The following SLC36A4 variants were observed in gnomAD, a reference collection of about 807,000 sequenced individuals.
SLC36A4 encodes the protein solute carrier family 36 member 4, also known as neutral amino acid uniporter 4.
In SLC36A4, 49 loss-of-function variants were observed where a neutral mutation model predicts 50.5. The observed-to-expected ratio is 0.97, with a 90% confidence interval of 0.77 to 1.23. The LOEUF (loss-of-function observed/expected upper bound fraction) is 1.23, where lower values mean the gene tolerates loss of function less well. SLC36A4 is among the 50% of genes most tolerant of loss of function. The probability of loss-of-function intolerance (pLI) is 0.00; values close to 1 mark genes in which losing one functional copy is unlikely to be tolerated. For missense variants in SLC36A4, 611 were observed against 608.4 expected, an observed-to-expected ratio of 1.00 and a Z score of -0.05; for synonymous variants, 207 against 206.5, an observed-to-expected ratio of 1.00 and a Z score of -0.02.
At chr11:93,168,787 A>T (rs1041267548) in intron 6 of SLC36A4, among the ~76,000 whole-genome samples, 2 of 152,018 alleles carry the variant, frequency 1.3e-5, no homozygotes, top group African/African-American at 4.8e-5. Flanking sequence ...CTAGAGCAAA[A>T]ACCTTCACAA....
intron 9 of SLC36A4, among the ~76,000 whole-genome samples, chr11:93,157,739 G>C (rs1053507151): frequency 6.6e-6 from 1 of 152,188 alleles, no homozygotes; most frequent in African/African-American, 2.4e-5. Context: ...CTTTGCTGAA[G>C]TTGCTTATCA....
chr11:93,186,180 T>C (rs975337889), intron 1 of SLC36A4, among the ~76,000 whole-genome samples: 1 of 152,226 alleles, frequency 6.6e-6, no homozygotes, highest in African/African-American at 2.4e-5. Flanking sequence ...ACTGTACAGG[T>C]AAATAGTAAT....
Position 93,161,161 on chromosome 11 carries a change from G to GA in SLC36A4, c.1037+1544dup, listed in dbSNP as rs1444252439. On this transcript the variant is annotated intron_variant, in intron 9 of 10. Transcript: ENST00000326402. Reference sequence around the variant, plus strand: ...GGCTCAAAATATTCTTCTAAATGAGGAAAAAATATCATTCTATTTTCCAAA... The same window carrying GA: ...GGCTCAAAATATTCTTCTAAATGAGGAAAAAAATATCATTCTATTTTCCAAA... Among the ~76,000 whole-genome samples, 10 of 151,972 alleles carry GA rather than the reference G, an allele frequency of 6.6e-5. No homozygotes were observed. In the South Asian group the frequency reaches 8.3e-4, roughly 13 times the overall value.
chr11:93,156,174 A>C (rs984433656), intron 9 of SLC36A4, among the ~76,000 whole-genome samples: 6 of 152,188 alleles, frequency 3.9e-5, no homozygotes, highest in Non-Finnish European at 7.3e-5. Context: ...AATGTCTTGA[A>C]CTAACTTATA....
chr11:93,154,390 C>G lies in SLC36A4; in HGVS notation c.1038-113G>C, dbSNP rs571852565. On this transcript the variant is annotated intron_variant, in intron 9 of 10. Coordinates refer to ENST00000326402, the MANE Select transcript of SLC36A4 (RefSeq NM_152313.4). The stretch of plus-strand genomic sequence containing the variant: ...TCCAGAATACCAAATTAGGCCAGAA[C>G]CTTACTAACTAAAAATGCTTGTTTG... The G allele has an allele frequency of 1.3e-5, 6 of 465,292 alleles. No individual in the cohort carries two copies. In the East Asian group the frequency reaches 1.9e-4, roughly 14 times the overall value. The allele number at this position is 465,292 out of a possible 1,614,324, so 28.8% of individuals were successfully genotyped here.
chr11:93,197,780 AGCTCC>A lies in SLC36A4; in HGVS notation c.48_52del (p.Glu16AspfsTer12). Reference sequence around the variant, plus strand: ...CCCTGCCCACGCACAACACCGACCTAGCTCCTCGCGCCTCGCCGCCCCGGCAGCCG... The same window carrying A: ...CCCTGCCCACGCACAACACCGACCTATCGCGCCTCGCCGCCCCGGCAGCCG... On this transcript the variant is annotated frameshift_variant, in exon 1 of 11. Transcript: ENST00000326402. LOFTEE classifies it high-confidence loss of function. 6 of 1,587,856 alleles carry A rather than the reference AGCTCC, an allele frequency of 3.8e-6. No individual in the cohort carries two copies. Among genetic ancestry groups the A allele is most frequent in the Non-Finnish European group, 5.1e-6 (6 of 1,173,932 alleles).
chr11:93,191,895 T>C (rs1339090845), intron 1 of SLC36A4, among the ~76,000 whole-genome samples: 4 of 131,456 alleles, frequency 3.0e-5, no homozygotes, highest in Non-Finnish European at 6.7e-5. Context: ...TATCCACTAA[T>C]AGTCCCTCAA....
intron 7 of SLC36A4, 43 bp downstream of exon 7, chr11:93,167,901 C>T (rs778511831): frequency 5.9e-6 from 8 of 1,350,544 alleles, no homozygotes; most frequent in Non-Finnish European, 8.2e-6. Flanking sequence ...ATTTTACTTA[C>T]ATAAGAAAGA....
At chr11:93,189,631 T>C (rs1862131116) in intron 1 of SLC36A4, among the ~76,000 whole-genome samples, 2 of 152,220 alleles carry the variant, frequency 1.3e-5, no homozygotes, top group Non-Finnish European at 2.9e-5. Flanking sequence ...CCTTTCTGAT[T>C]TCTTTCTGTC....
In SLC36A4 at chr11:93,144,889, G is replaced by T. The variant is rs1037356609; in HGVS notation, c.*3648C>A. The T allele has an allele frequency of 1.3e-5, 2 of 151,996 alleles. No homozygotes were observed. Among genetic ancestry groups the T allele is most frequent in the African/African-American group, 4.8e-5 (2 of 41,434 alleles). 9.4% of individuals were successfully genotyped at this position (151,996 alleles called of 1,614,324 possible). A position where few individuals can be genotyped will look rare whatever the true frequency, so the allele number is the denominator to read the frequency against. On this transcript the variant is annotated 3_prime_UTR_variant, in exon 11 of 11. Transcript: ENST00000326402. ...CATTATTGTATATTATCGATGTTCT[G>T]TATGTTAACCAAATTATTTTATTCC...
At chr11:93,180,200 G>C in intron 6 of SLC36A4, 1 of 984,656 alleles carries the variant, frequency 1.0e-6, no homozygotes, top group Non-Finnish European at 1.2e-6. Context: ...GTGCTTTATA[G>C]TATTGTTTTG....
rs1301229677 is a variant in SLC36A4 at position 93,148,677 on chromosome 11, T to C, written c.1375A>G (p.Thr459Ala). 4 of 1,612,848 alleles carry C rather than the reference T, an allele frequency of 2.5e-6. No homozygotes were observed. The highest frequency in any genetic ancestry group is 3.4e-6 in the Non-Finnish European group (4 of 1,179,302). The change falls in exon 11 of 11, where the codon ACT (threonine) becomes GCT (alanine). Residue 459 changes from threonine (T) to alanine (A), a missense_variant. Transcript: ENST00000326402. ...MVLKNISIAF[T>A]GVVGFLLGTY... The stretch of plus-strand genomic sequence containing the variant: ...CCTAATAAGAAGCCAACAACTCCAG[T>C]GAATGCTATAGAAATATTTTTCAGG...
chr11:93,192,615 C>T (rs985239242), intron 1 of SLC36A4, among the ~76,000 whole-genome samples: 2 of 152,106 alleles, frequency 1.3e-5, no homozygotes, highest in Admixed American at 6.6e-5. Flanking sequence ...CCTAAAATAT[C>T]ATTTCAACAT....
chr11:93,173,877 G>A (rs1208857518), intron 6 of SLC36A4, among the ~76,000 whole-genome samples: 1 of 138,652 alleles, frequency 7.2e-6, no homozygotes, highest in African/African-American at 2.7e-5. Context: ...AAGTCAGGTA[G>A]TGTGATGCCT....
At chr11:93,177,068 C>A (rs1446494053) in intron 6 of SLC36A4, among the ~76,000 whole-genome samples, 1 of 152,180 alleles carries the variant, frequency 6.6e-6, no homozygotes, top group African/African-American at 2.4e-5. Flanking sequence ...TCTCCATTCT[C>A]CCCAACACTT....
intron 1 of SLC36A4, among the ~76,000 whole-genome samples, chr11:93,187,873 G>C (rs1433908110): frequency 6.6e-6 from 1 of 152,154 alleles, no homozygotes; most frequent in East Asian, 1.9e-4. Flanking sequence ...ACCTCCAGAA[G>C]CAATGTTTTG....
rs1268797769 is a variant in SLC36A4 at position 93,145,434 on chromosome 11, G to A, written c.*3103C>T. The stretch of plus-strand genomic sequence containing the variant: ...ACTGGTTTTTAACCAAGAATACGCT[G>A]TAGCTCTTATTTTCTTAATTGTAAA... On this transcript the variant is annotated 3_prime_UTR_variant, in exon 11 of 11. Transcript: ENST00000326402. 1 of 151,988 alleles carries A rather than the reference G, an allele frequency of 6.6e-6. No individual in the cohort carries two copies. Among genetic ancestry groups the A allele is most frequent in the Middle Eastern group, 3.2e-3 (1 of 316 alleles). The allele number at this position is 151,988 out of a possible 1,614,324, so 9.4% of individuals were successfully genotyped here.
At chr11:93,186,206 T>C (rs1861977197) in intron 1 of SLC36A4, among the ~76,000 whole-genome samples, 1 of 152,214 alleles carries the variant, frequency 6.6e-6, no homozygotes, top group African/African-American at 2.4e-5. Context: ...TTTTAAATAC[T>C]TGATGAAAAT....
intron 6 of SLC36A4, chr11:93,170,135 T>C (rs905971315): frequency 2.6e-5 from 4 of 152,184 alleles, no homozygotes; most frequent in South Asian, 4.1e-4. Context: ...AGGTAAACAT[T>C]TGAGTCCTTT....
Sources: allele counts gnomAD v4.1 joint callset (sites outside exome capture counted in the v4.1 genomes callset), GRCh38; gene constraint gnomAD v4.1.1; transcripts MANE v1.5; gene names NCBI Gene and HGNC (gene_info 2026-07-23, HGNC 2026-07-21).